KCNMB4: variants seen among roughly 807,000 people sequenced by gnomAD.
The protein encoded by KCNMB4 is calcium-activated potassium channel subunit beta-4.
Under a neutral mutation model 20.7 loss-of-function variants are expected in KCNMB4, and 3 were observed. That is an observed-to-expected ratio of 0.14 (90% CI 0.07 to 0.37). The LOEUF (loss-of-function observed/expected upper bound fraction) is 0.37. Ranked by LOEUF, KCNMB4 falls within the 10% of genes least tolerant of loss-of-function variation. KCNMB4 has a pLI of 1.00. For synonymous variants in KCNMB4, 110 were observed against 113.4 expected (o/e 0.97, Z 0.19); for missense variants, 168 against 265.9 (o/e 0.63, Z 2.56).
intron 2 of KCNMB4, among the ~76,000 whole-genome samples, chr12:70,414,367 G>A (rs1416020648): frequency 6.6e-6 from 1 of 152,202 alleles, no homozygotes; most frequent in Non-Finnish European, 1.5e-5. Context: ...TAATCTCAGT[G>A]TGGAGGTAGA....
rs187319911 is a variant in KCNMB4, at chr12:70,411,856, G to T, written c.464+11520G>T. 6.8e-3 allele frequency among the ~76,000 whole-genome samples: 1,033 copies of T among 152,308 alleles called. 6 individuals carry two copies. Among genetic ancestry groups the T allele is most frequent in the Non-Finnish European group, 9.4e-3 (638 of 68,018 alleles). The stretch of plus-strand genomic sequence containing the variant: ...CTGTGCGTGTATGTCATGCTAAGGG[G>T]TTTAAATTTGTCTTAAGGGCAGTGG... On this transcript the variant is annotated intron_variant, in intron 2 of 2. Transcript: ENST00000258111.
intron 2 of KCNMB4, among the ~76,000 whole-genome samples, chr12:70,422,074 C>T (rs981825336): frequency 6.6e-6 from 1 of 151,978 alleles, no homozygotes; most frequent in African/African-American, 2.4e-5. Flanking sequence ...CTCTCCCATA[C>T]GAATTTAAAC....
intron 1 of KCNMB4, among the ~76,000 whole-genome samples, chr12:70,392,019 A>G (rs1361906173): frequency 6.6e-6 from 1 of 152,200 alleles, no homozygotes; most frequent in Non-Finnish European, 1.5e-5. Context: ...TACTGGTTCT[A>G]GAGGACTTAC....
At chr12:70,373,862 T>C (rs1237921954) in intron 1 of KCNMB4, among the ~76,000 whole-genome samples, 1 of 152,180 alleles carries the variant, frequency 6.6e-6, no homozygotes, top group Admixed American at 6.5e-5. Context: ...GGTGCACACC[T>C]GTAGTCCCAG....
intron 1 of KCNMB4, among the ~76,000 whole-genome samples, chr12:70,388,083 C>G (rs935033069): frequency 6.6e-6 from 1 of 152,132 alleles, no homozygotes. Flanking sequence ...TAACCATTGT[C>G]TTTCTATGCC....
chr12:70,419,003 G>T (rs887984272), intron 2 of KCNMB4, among the ~76,000 whole-genome samples: 1 of 152,138 alleles, frequency 6.6e-6, no homozygotes. Context: ...GTCTTAATCA[G>T]TGAAGGGAAT....
rs906395184 is a variant in KCNMB4, at chr12:70,387,406, T to C, written c.337-12803T>C. 4.2e-5 allele frequency among the ~76,000 whole-genome samples: 6 copies of C among 142,794 alleles called. 1 individual carries two copies. Among genetic ancestry groups the C allele is most frequent in the African/African-American group, 1.6e-4 (6 of 37,470 alleles). The allele number at this position is 142,794 out of a possible 152,430, so 93.7% of individuals were successfully genotyped here. A position where few individuals can be genotyped will look rare whatever the true frequency, so the allele number is the denominator to read the frequency against. On this transcript the variant is annotated intron_variant, in intron 1 of 2. Coordinates refer to ENST00000258111, the MANE Select transcript of KCNMB4 (RefSeq NM_014505.6). Reference sequence around the variant, plus strand: ...CTTTTTTAAATTTTTTAATTTTTTTTTTTTTTTTTTTGTGAGATGGAGTTT... The same window carrying C: ...CTTTTTTAAATTTTTTAATTTTTTTCTTTTTTTTTTTGTGAGATGGAGTTT...
chr12:70,386,443 A>G (rs1032977502), intron 1 of KCNMB4, among the ~76,000 whole-genome samples: 2 of 152,142 alleles, frequency 1.3e-5, no homozygotes, highest in Non-Finnish European at 2.9e-5. Flanking sequence ...AAGACTTTTA[A>G]ACATCAATGA....
rs143263138 is a variant in KCNMB4 at position 70,416,280 on chromosome 12, A to G, written c.465-14205A>G. On this transcript the variant is annotated intron_variant, in intron 2 of 2. Coordinates refer to ENST00000258111, the MANE Select transcript of KCNMB4 (RefSeq NM_014505.6). ...GACCCCAGATGAAGGAGGGGCACCT[A>G]TCTGGGACATTAATGCTAGTATCAA... 9.1e-4 allele frequency among the ~76,000 whole-genome samples: 139 copies of G among 152,328 alleles called. 1 individual carries two copies. Among genetic ancestry groups the G allele is most frequent in the African/African-American group, 2.9e-3 (120 of 41,582 alleles).
chr12:70,371,527 C>T (rs530639396), intron 1 of KCNMB4, among the ~76,000 whole-genome samples: 2 of 152,286 alleles, frequency 1.3e-5, no homozygotes, highest in South Asian at 4.1e-4. Flanking sequence ...ATCAGAACTA[C>T]ATGATAAAAG....
At chr12:70,398,037 C>T (rs769434339) in intron 1 of KCNMB4, among the ~76,000 whole-genome samples, 21 of 152,104 alleles carry the variant, frequency 1.4e-4, no homozygotes, top group Non-Finnish European at 2.5e-4. Context: ...ATATCCAACA[C>T]CTTAGAGAAA....
At chr12:70,388,666 T>A (rs1349743733) in intron 1 of KCNMB4, among the ~76,000 whole-genome samples, 4 of 152,220 alleles carry the variant, frequency 2.6e-5, no homozygotes, top group Non-Finnish European at 5.9e-5. Context: ...GTCTTGATTA[T>A]TAATTTTTAA....
At chr12:70,420,674 G>C (rs1166870216) in intron 2 of KCNMB4, among the ~76,000 whole-genome samples, 2 of 152,128 alleles carry the variant, frequency 1.3e-5, no homozygotes, top group African/African-American at 4.8e-5. Context: ...GCAGCAATAG[G>C]AAATAGATAC....
intron 2 of KCNMB4, 148 bp from the exon 3 acceptor site, chr12:70,430,337 A>G: frequency 2.6e-6 from 2 of 770,998 alleles, no homozygotes; most frequent in Non-Finnish European, 4.1e-6. Context: ...ATGGGTTTGA[A>G]GCACAAAAAT....
chr12:70,423,544 T>G (rs951531450), intron 2 of KCNMB4, among the ~76,000 whole-genome samples: 2 of 152,084 alleles, frequency 1.3e-5, no homozygotes, highest in African/African-American at 2.4e-5. Context: ...CTTGGCTCAC[T>G]GTAGGCCCAC....
At chr12:70,413,873 C>T (rs1334406840) in intron 2 of KCNMB4, among the ~76,000 whole-genome samples, 2 of 152,128 alleles carry the variant, frequency 1.3e-5, no homozygotes, top group Admixed American at 1.3e-4. Flanking sequence ...TTAAGTTTAT[C>T]AGGGACTGAG....
At chr12:70,383,749 G>A (rs974440367) in intron 1 of KCNMB4, among the ~76,000 whole-genome samples, 1 of 152,036 alleles carries the variant, frequency 6.6e-6, no homozygotes, top group Non-Finnish European at 1.5e-5. Flanking sequence ...ATGTGTCTCC[G>A]TATCCCTTTC....
intron 1 of KCNMB4, among the ~76,000 whole-genome samples, chr12:70,391,475 A>T (rs935696259): frequency 2.6e-5 from 4 of 152,044 alleles, no homozygotes; most frequent in Non-Finnish European, 5.9e-5. Flanking sequence ...GCTAATTAAA[A>T]AAATATGTTC....
intron 1 of KCNMB4, among the ~76,000 whole-genome samples, chr12:70,385,456 A>G (rs867663433): frequency 5.9e-5 from 9 of 152,304 alleles, no homozygotes; most frequent in African/African-American, 2.2e-4. Context: ...TTTCCCTTCA[A>G]TGTTTTTAAT....
Sources: allele counts gnomAD v4.1 joint callset (sites outside exome capture counted in the v4.1 genomes callset), GRCh38; gene constraint gnomAD v4.1.1; transcripts MANE v1.5; gene names NCBI Gene and HGNC (gene_info 2026-07-23, HGNC 2026-07-21).